The following DNAJC13 variants were observed in gnomAD, a reference collection of about 807,000 sequenced individuals.
DNAJC13 encodes the protein DnaJ heat shock protein family (Hsp40) member C13, also known as dnaJ homolog subfamily C member 13.
A neutral mutation model predicts 290.5 loss-of-function variants in DNAJC13; 75 were observed. The observed-to-expected ratio is 0.26, with a 90% CI of 0.21 to 0.31. The LOEUF is 0.31. Ranked by LOEUF, DNAJC13 falls within the 10% of genes least tolerant of loss-of-function variation. DNAJC13 has a pLI of 1.00. For synonymous variants in DNAJC13, 862 were observed against 892.0 expected (o/e 0.97, Z 0.60); for missense variants, 2,260 against 2,674.5 (o/e 0.85, Z 3.42).
At chr3:132,499,913 G>A (rs1329511308) in intron 38 of DNAJC13, 105 bp downstream of exon 38, 3 of 1,018,040 alleles carry the variant, frequency 2.9e-6, no homozygotes, top group Non-Finnish European at 3.0e-6. Context: ...GTAGGTTGCT[G>A]AGCTCCACCC....
In DNAJC13 at chr3:132,523,651, A is replaced by G; in HGVS notation, c.5998A>G (p.Arg2000Gly). ...ACCAGCCTGGGTTCTAAGAAAGCCT[A>G]GAGAATTTCTTATTGCCCTGTTAGA... The part of the protein sequence containing the change: ...AQPAWVLRKP[R>G]EFLIALLEKL... Residue 2000 changes from arginine to glycine, a missense_variant, in exon 51 of 56, where the codon AGA becomes GGA. By Grantham distance (125) the Arg-to-Gly change is moderately radical (BLOSUM62 -2). Transcript: ENST00000260818. The G allele has an allele frequency of 6.2e-7, 1 of 1,614,090 alleles. No homozygotes were observed. Among genetic ancestry groups the G allele is most frequent in the Non-Finnish European group, 8.5e-7 (1 of 1,179,960 alleles).
intron 40 of DNAJC13, among the ~76,000 whole-genome samples, chr3:132,502,687 A>T (rs764727360): frequency 5.8e-4 from 89 of 152,246 alleles, no homozygotes; most frequent in Non-Finnish European, 9.0e-4. Flanking sequence ...GCAATAGCAT[A>T]TACTGGACAT....
intron 48 of DNAJC13, among the ~76,000 whole-genome samples, chr3:132,517,591 A>G (rs1424513508): frequency 6.6e-6 from 1 of 152,102 alleles, no homozygotes; most frequent in Admixed American, 6.6e-5. Context: ...CATTCTTAAC[A>G]TGCTTCCAAA....
At position 132,469,992 on chromosome 3, in the gene DNAJC13, T is replaced by A. The variant is rs1426002162; in HGVS notation, c.2208+2679T>A. 4.3e-4 allele frequency among the ~76,000 whole-genome samples: 41 copies of A among 96,052 alleles called. 3 individuals are homozygous for A. The highest frequency in any genetic ancestry group is 1.2e-3 in the East Asian group (4 of 3,326). 63.0% of individuals were successfully genotyped at this position (96,052 alleles called of 152,430 possible). A position where few individuals can be genotyped will look rare whatever the true frequency, so the allele number is the denominator to read the frequency against. On this transcript the variant is annotated intron_variant, in intron 20 of 55. Transcript: ENST00000260818. Reference sequence around the variant, plus strand: ...TTTTTTTTTTTTTTTTTTTTTTTTTTAATTTATTTTTTTATTGATAATTCT... The same window carrying A: ...TTTTTTTTTTTTTTTTTTTTTTTTTAAATTTATTTTTTTATTGATAATTCT...
rs758049804 is a variant in DNAJC13 at position 132,486,082 on chromosome 3, C to CTTT, written c.3267+1435_3267+1437dup. On this transcript the variant is annotated intron_variant, in intron 29 of 55. Coordinates refer to ENST00000260818, the MANE Select transcript of DNAJC13 (RefSeq NM_015268.4). ...CTTCTAAATACAGTAATGCCCTATCCTTTTTTTTTTTTTTTTTTTTTTTTT... is the reference window on the plus strand; with the variant it reads ...CTTCTAAATACAGTAATGCCCTATCCTTTTTTTTTTTTTTTTTTTTTTTTTTTT... Among the ~76,000 whole-genome samples the CTTT allele has an allele frequency of 4.5e-3, 181 of 40,512 alleles. 34 individuals carry two copies. Among genetic ancestry groups the CTTT allele is most frequent in the African/African-American group, 0.015 (128 of 8,810 alleles). 26.6% of individuals were successfully genotyped at this position (40,512 alleles called of 152,430 possible).
At chr3:132,457,172 A>C in intron 12 of DNAJC13, 97 bp from the exon 13 acceptor site, 1 of 824,956 alleles carries the variant, frequency 1.2e-6, no homozygotes, top group Non-Finnish European at 1.9e-6. Flanking sequence ...TCATTGTTCC[A>C]GTAGTGCAAT....
chr3:132,447,767 A>G (rs113852129), intron 4 of DNAJC13, 131 bp from the exon 5 acceptor site: 5 of 747,956 alleles, frequency 6.7e-6, no homozygotes, highest in African/African-American at 3.6e-5. Context: ...TTCTTAAACT[A>G]TAACTTGAAT....
chr3:132,530,059 AAG>A (rs201059131), intron 54 of DNAJC13, among the ~76,000 whole-genome samples: 1,800 of 152,290 alleles, frequency 0.012, 46 homozygotes, highest in African/African-American at 0.041. Flanking sequence ...GAGGGGAGGA[AAG>A]AGGTATAGTA....
chr3:132,523,475 A>C, intron 50 of DNAJC13, 65 bp from the exon 51 acceptor site: 2 of 1,510,528 alleles, frequency 1.3e-6, no homozygotes, highest in Non-Finnish European at 1.8e-6. Flanking sequence ...ATTCTTTAAT[A>C]TGGTGTGCAT....
chr3:132,478,756 A>G (rs890974321), intron 24 of DNAJC13, among the ~76,000 whole-genome samples: 9 of 152,156 alleles, frequency 5.9e-5, no homozygotes, highest in Non-Finnish European at 1.2e-4. Flanking sequence ...GTCTCAAAAA[A>G]AATTTTTTTA....
chr3:132,509,801 A>T (rs1428793446), intron 43 of DNAJC13, among the ~76,000 whole-genome samples: 1 of 152,244 alleles, frequency 6.6e-6, no homozygotes, highest in South Asian at 2.1e-4. Context: ...CAGTTAAGGT[A>T]TGCACGTAGT....
At chr3:132,426,091 C>A (rs1939082187) in intron 1 of DNAJC13, among the ~76,000 whole-genome samples, 1 of 152,138 alleles carries the variant, frequency 6.6e-6, no homozygotes, top group Non-Finnish European at 1.5e-5. Flanking sequence ...TTAGAGAATG[C>A]AAGAATATTG....
At chr3:132,466,124 A>C in intron 18 of DNAJC13, 54 bp downstream of exon 18, 1 of 1,490,388 alleles carries the variant, frequency 6.7e-7, no homozygotes, top group Non-Finnish European at 9.3e-7. Context: ...TTAATTGAAC[A>C]AGTTATCTGT....
At chr3:132,427,499 G>GAC (rs1939130608) in intron 1 of DNAJC13, among the ~76,000 whole-genome samples, 1 of 152,030 alleles carries the variant, frequency 6.6e-6, no homozygotes, top group Non-Finnish European at 1.5e-5. Flanking sequence ...AAATAATAAT[G>GAC]ACAGTAACAA....
chr3:132,501,223 C>T (rs763630657), intron 39 of DNAJC13, among the ~76,000 whole-genome samples: 4 of 152,012 alleles, frequency 2.6e-5, no homozygotes, highest in African/African-American at 7.2e-5. Flanking sequence ...AAGGCCAGCC[C>T]GGTGTGGTGG....
At chr3:132,473,838 A>G (rs991917237) in intron 21 of DNAJC13, among the ~76,000 whole-genome samples, 1 of 152,200 alleles carries the variant, frequency 6.6e-6, no homozygotes, top group African/African-American at 2.4e-5. Context: ...ACTCCCCCAC[A>G]CTACTTTTAA....
At position 132,523,314 on chromosome 3, in the gene DNAJC13, T is replaced by C. The variant is rs564453756; in HGVS notation, c.5886+115T>C. ...ACTTTGTCATCAAGACTCTTGGGTA[T>C]TCCCCTGGAAAATAAGGCTTCAAAC... is the stretch of plus-strand genomic sequence containing the variant. On this transcript the variant is annotated intron_variant, in intron 50 of 55. Coordinates refer to ENST00000260818, the MANE Select transcript of DNAJC13 (RefSeq NM_015268.4). 67 of 1,311,860 alleles carry C rather than the reference T, an allele frequency of 5.1e-5. No individual in the cohort carries two copies. In the South Asian group the frequency reaches 8.9e-4, roughly 17 times the overall value. The allele number at this position is 1,311,860 out of a possible 1,614,324, so 81.3% of individuals were successfully genotyped here.
chr3:132,530,070 T>G (rs1936370092), intron 54 of DNAJC13, among the ~76,000 whole-genome samples: 1 of 152,148 alleles, frequency 6.6e-6, no homozygotes, highest in Non-Finnish European at 1.5e-5. Context: ...AGAGGTATAG[T>G]AGTTTCTAAA....
At chr3:132,456,948 A>G (rs1933619857) in intron 12 of DNAJC13, 116 bp downstream of exon 12, 1 of 1,153,008 alleles carries the variant, frequency 8.7e-7, no homozygotes, top group Non-Finnish European at 1.2e-6. Flanking sequence ...TTATAGGGTG[A>G]TATGGTACTT....
Sources: allele counts gnomAD v4.1 joint callset (sites outside exome capture counted in the v4.1 genomes callset), GRCh38; gene constraint gnomAD v4.1.1; transcripts MANE v1.5; gene names NCBI Gene and HGNC (gene_info 2026-07-23, HGNC 2026-07-21).